Variants in CISD1 observed in about 807,000 individuals in gnomAD.
CISD1 encodes the protein CDGSH iron sulfur domain 1, also known as CDGSH iron-sulfur domain-containing protein 1.
CISD1 carries 8 observed loss-of-function variants against 12.0 expected under a neutral mutation model. The observed-to-expected ratio is 0.67, with a 90% CI of 0.39 to 1.20. The LOEUF (loss-of-function observed/expected upper bound fraction) is 1.20. Ranked by LOEUF, CISD1 falls within the 50% of genes most tolerant of loss-of-function variation. The pLI, the probability that CISD1 is intolerant of heterozygous loss-of-function variation, is 0.01. For missense variants in CISD1, 107 were observed against 132.7 expected, an observed-to-expected ratio of 0.81 and a Z score of 0.95; for synonymous variants, 38 against 42.2, an observed-to-expected ratio of 0.90 and a Z score of 0.39.
intron 1 of CISD1, among the ~76,000 whole-genome samples, chr10:58,270,785 A>G (rs1453000718): frequency 6.6e-6 from 1 of 152,244 alleles, no homozygotes; most frequent in South Asian, 2.1e-4. Context: ...AACTTTCCCA[A>G]TCATTTTCCA....
intron 1 of CISD1, among the ~76,000 whole-genome samples, chr10:58,270,049 TTAATA>T (rs1839226732): frequency 6.6e-6 from 1 of 152,246 alleles, no homozygotes; most frequent in Non-Finnish European, 1.5e-5. Context: ...GTTATAATTG[TTAATA>T]TAATACTGTG....
In CISD1 at chr10:58,269,253, C is replaced by A; in HGVS notation, c.-21C>A. 2 of 1,607,280 alleles carry A rather than the reference C, an allele frequency of 1.2e-6. No individual in the cohort carries two copies. Among genetic ancestry groups the A allele is most frequent in the Non-Finnish European group, 1.7e-6 (2 of 1,179,558 alleles). ...TTTGAGCTCGGTATCCTAGTGCACA[C>A]GCCTTGCAAGCGACGGCGCCATGAG... On this transcript the variant is annotated 5_prime_UTR_variant, in exon 1 of 3. Coordinates refer to ENST00000333926, the MANE Select transcript of CISD1 (RefSeq NM_018464.5).
At chr10:58,271,752 A>T (rs1165905598) in intron 1 of CISD1, among the ~76,000 whole-genome samples, 1 of 133,382 alleles carries the variant, frequency 7.5e-6, no homozygotes, top group Non-Finnish European at 1.5e-5. Flanking sequence ...AATAAAAGGT[A>T]GTTTATAAAA....
chr10:58,287,094 T>C (rs1179379379), intron 2 of CISD1, among the ~76,000 whole-genome samples: 2 of 152,166 alleles, frequency 1.3e-5, no homozygotes, highest in Non-Finnish European at 1.5e-5. Context: ...CTAATTTTTG[T>C]ATTTTTAGTA....
chr10:58,269,312 G>A lies in CISD1; in HGVS notation c.31+8G>A, dbSNP rs1336443098. 4 of 1,607,638 alleles carry A rather than the reference G, an allele frequency of 2.5e-6. No homozygotes were observed. Among genetic ancestry groups the A allele is most frequent in the Non-Finnish European group, 3.4e-6 (4 of 1,179,300 alleles). Reference sequence around the variant, plus strand: ...CCAGTTCCAGCGTACGAGGTGAAGTGGGGCCTGGGAGCGGGTGAGGCTGGT... The same window carrying A: ...CCAGTTCCAGCGTACGAGGTGAAGTAGGGCCTGGGAGCGGGTGAGGCTGGT... On this transcript the variant is annotated splice_region_variant and intron_variant, in intron 1 of 2. Coordinates refer to ENST00000333926, the MANE Select transcript of CISD1 (RefSeq NM_018464.5).
chr10:58,285,387 C>T (rs979718862), intron 2 of CISD1, among the ~76,000 whole-genome samples: 2 of 152,170 alleles, frequency 1.3e-5, no homozygotes, highest in African/African-American at 2.4e-5. Context: ...TTTCACTGAT[C>T]TGTTATGCTC....
intron 1 of CISD1, among the ~76,000 whole-genome samples, chr10:58,271,043 ATT>A (rs775206917): frequency 6.2e-5 from 8 of 128,718 alleles, no homozygotes; most frequent in Non-Finnish European, 7.9e-5. Flanking sequence ...TGCCATGACT[ATT>A]TTTTTTTTTT....
intron 1 of CISD1, among the ~76,000 whole-genome samples, chr10:58,269,888 G>A (rs1338943278): frequency 1.3e-5 from 2 of 152,116 alleles, no homozygotes; most frequent in African/African-American, 2.4e-5. Flanking sequence ...TGCGTTCGTT[G>A]AACCTTCAGC....
chr10:58,271,039 G>T (rs1479987249), intron 1 of CISD1, among the ~76,000 whole-genome samples: 3 of 105,772 alleles, frequency 2.8e-5, no homozygotes, highest in African/African-American at 1.7e-4. Context: ...ACGTTGCCAT[G>T]ACTATTTTTT....
intron 2 of CISD1, among the ~76,000 whole-genome samples, chr10:58,280,913 A>G (rs2132282241): frequency 6.6e-6 from 1 of 152,366 alleles, no homozygotes; most frequent in Admixed American, 6.5e-5. Flanking sequence ...CGGAGTAATT[A>G]GAATAGAAGC....
At chr10:58,278,628 G>A (rs770063638) in intron 2 of CISD1, among the ~76,000 whole-genome samples, 4 of 152,134 alleles carry the variant, frequency 2.6e-5, no homozygotes, top group African/African-American at 4.8e-5. Flanking sequence ...TTGAAAGCAC[G>A]TTATGTTGGG....
rs1839452635 is a variant in CISD1 at position 58,288,333 on chromosome 10, G to A, written c.*683G>A. On this transcript the variant is annotated 3_prime_UTR_variant, in exon 3 of 3. Transcript: ENST00000333926. ...CAATAGTGAAAATTTAGTTAAAGGT[G>A]ATATTAGATTTAAATTAGTCATGAA... 2 of 152,276 alleles carry A rather than the reference G, an allele frequency of 1.3e-5. No individual in the cohort carries two copies. Among genetic ancestry groups the A allele is most frequent in the Non-Finnish European group, 2.9e-5 (2 of 67,998 alleles). 9.4% of individuals were successfully genotyped at this position (152,276 alleles called of 1,614,324 possible).
At chr10:58,271,057 T>TTTTTTTTTTTTTTTGG (rs75668167) in intron 1 of CISD1, among the ~76,000 whole-genome samples, 1 of 149,940 alleles carries the variant, frequency 6.7e-6, no homozygotes, top group African/African-American at 2.5e-5. Flanking sequence ...TTTTTTTTTT[T>TTTTTTTTTTTTTTTGG]GAGGCGGAGT....
Position 58,277,102 on chromosome 10 carries a change from C to T in CISD1, c.32-15C>T. The T allele has an allele frequency of 3.2e-6, 5 of 1,545,738 alleles. No homozygotes were observed. The highest frequency in any genetic ancestry group is 4.4e-6 in the Non-Finnish European group (5 of 1,144,640). ...TTTGGTTTTGATAATTATTTGTTTTCCTTCCCTGCTCTAGTTGAATGGATC... is the reference window on the plus strand; with the variant it reads ...TTTGGTTTTGATAATTATTTGTTTTTCTTCCCTGCTCTAGTTGAATGGATC... On this transcript the variant is annotated splice_polypyrimidine_tract_variant and intron_variant, in intron 1 of 2. Coordinates refer to ENST00000333926, the MANE Select transcript of CISD1 (RefSeq NM_018464.5).
At chr10:58,269,370 C>T (rs1277494790) in intron 1 of CISD1, 66 bp downstream of exon 1, 2 of 1,487,306 alleles carry the variant, frequency 1.3e-6, no homozygotes, top group African/African-American at 2.8e-5. Flanking sequence ...CGCAGTTCGA[C>T]TGGGTTGTTT....
intron 2 of CISD1, among the ~76,000 whole-genome samples, chr10:58,281,212 T>C (rs974392807): frequency 2.6e-5 from 4 of 152,212 alleles, no homozygotes; most frequent in African/African-American, 9.6e-5. Flanking sequence ...TTATTAGACT[T>C]TATAATTCAA....
intron 2 of CISD1, 151 bp from the exon 3 acceptor site, chr10:58,287,410 A>G: frequency 2.0e-6 from 1 of 489,308 alleles, no homozygotes. Flanking sequence ...ACTAAGTAGC[A>G]TATGTAGTTT....
rs1231517147 is a variant in CISD1 at position 58,289,292 on chromosome 10, A to C, written c.*1642A>C. On this transcript the variant is annotated 3_prime_UTR_variant, in exon 3 of 3. Transcript: ENST00000333926. ...TGATAAAGGGACATCCTTCTAACTT[A>C]ACAGACTATTCTTTATCTTGAATTT... 3 of 152,242 alleles carry C rather than the reference A, an allele frequency of 2.0e-5. No homozygotes were observed. The highest frequency in any genetic ancestry group is 4.4e-5 in the Non-Finnish European group (3 of 67,936). 9.4% of individuals were successfully genotyped at this position (152,242 alleles called of 1,614,324 possible). A position where few individuals can be genotyped will look rare whatever the true frequency, so the allele number is the denominator to read the frequency against.
At chr10:58,269,950 T>G (rs1182367958) in intron 1 of CISD1, among the ~76,000 whole-genome samples, 1 of 152,178 alleles carries the variant, frequency 6.6e-6, no homozygotes, top group Non-Finnish European at 1.5e-5. Flanking sequence ...GAAACAGTAT[T>G]TCGCAGAAAG....
Sources: gnomAD v4.1 joint callset for allele counts (sites outside exome capture counted in the v4.1 genomes callset) on GRCh38, gnomAD v4.1.1 for gene constraint, MANE v1.5 for transcripts, NCBI Gene and HGNC (gene_info 2026-07-23, HGNC 2026-07-21) for gene names.